PID1: variants seen among roughly 807,000 people sequenced by gnomAD.
PID1 encodes PTB-containing, cubilin and LRP1-interacting protein.
Under a neutral mutation model 19.1 loss-of-function variants are expected in PID1, and 10 were observed. The observed-to-expected ratio is 0.52, with a 90% CI of 0.32 to 0.89. PID1 has a LOEUF of 0.89. PID1 is among the 40% of genes least tolerant of loss of function. The pLI is 0.03. For synonymous variants in PID1, 130 were observed against 116.0 expected, an observed-to-expected ratio of 1.12 and a Z score of -0.78; for missense variants, 248 against 285.3, an observed-to-expected ratio of 0.87 and a Z score of 0.94.
chr2:229,232,301 G>A (rs1574743767), intron 1 of PID1, among the ~76,000 whole-genome samples: 1 of 151,448 alleles, frequency 6.6e-6, no homozygotes, highest in Non-Finnish European at 1.5e-5. Flanking sequence ...GTGTGGTGAC[G>A]GGCACCTGTA....
chr2:229,259,435 G>C (rs1161450567), intron 1 of PID1, among the ~76,000 whole-genome samples: 1 of 152,172 alleles, frequency 6.6e-6, no homozygotes, highest in Non-Finnish European at 1.5e-5. Flanking sequence ...GCCCAACCCA[G>C]AGAAACTCTG....
chr2:229,133,544 T>C (rs527707609), intron 2 of PID1, among the ~76,000 whole-genome samples: 1 of 152,342 alleles, frequency 6.6e-6, no homozygotes, highest in Non-Finnish European at 1.5e-5. Flanking sequence ...GAATTGCAGA[T>C]GTAAGAGTAC....
intron 1 of PID1, among the ~76,000 whole-genome samples, chr2:229,260,476 A>G (rs1026672205): frequency 6.8e-6 from 1 of 146,782 alleles, no homozygotes; most frequent in African/African-American, 2.5e-5. Flanking sequence ...ATATATATAT[A>G]TATGTATATA....
At chr2:229,205,720 C>T (rs962694758) in intron 1 of PID1, among the ~76,000 whole-genome samples, 10 of 152,090 alleles carry the variant, frequency 6.6e-5, no homozygotes, top group Admixed American at 6.6e-4. Context: ...ACAGTAGCTA[C>T]TTAAGAGATG....
chr2:229,061,260 C>A (rs1694206875), intron 2 of PID1, among the ~76,000 whole-genome samples: 2 of 151,998 alleles, frequency 1.3e-5, no homozygotes, highest in Admixed American at 6.6e-5. Flanking sequence ...AGTCTTTAAT[C>A]CAAATTGAAT....
intron 1 of PID1, among the ~76,000 whole-genome samples, chr2:229,164,865 G>A (rs1228709938): frequency 6.6e-6 from 1 of 152,220 alleles, no homozygotes; most frequent in East Asian, 1.9e-4. Flanking sequence ...AACAAGAGAA[G>A]AGAACTTCAC....
chr2:229,204,922 A>T (rs1691576690), intron 1 of PID1, among the ~76,000 whole-genome samples: 1 of 152,098 alleles, frequency 6.6e-6, no homozygotes. Context: ...CTCAGATTAC[A>T]ATGAGAACTA....
intron 1 of PID1, among the ~76,000 whole-genome samples, chr2:229,239,916 T>A (rs1312910345): frequency 6.6e-6 from 1 of 152,128 alleles, no homozygotes; most frequent in Admixed American, 6.6e-5. Flanking sequence ...ATTCAACCTA[T>A]ATTCCTGGCA....
intron 1 of PID1, among the ~76,000 whole-genome samples, chr2:229,255,140 G>A (rs999899464): frequency 6.6e-6 from 1 of 152,198 alleles, no homozygotes; most frequent in African/African-American, 2.4e-5. Flanking sequence ...ATCCAACTCA[G>A]ATGGATGATG....
intron 2 of PID1, among the ~76,000 whole-genome samples, chr2:229,031,282 G>T (rs1693549367): frequency 6.6e-6 from 1 of 150,700 alleles, no homozygotes; most frequent in Non-Finnish European, 1.5e-5. Flanking sequence ...TAGGGGCTGG[G>T]CGTGGTGGCT....
intron 1 of PID1, among the ~76,000 whole-genome samples, chr2:229,261,804 C>T (rs893419961): frequency 2.6e-5 from 4 of 152,040 alleles, no homozygotes; most frequent in Admixed American, 6.5e-5. Flanking sequence ...TCCCTGCCTT[C>T]GTCTCAGAGG....
At chr2:229,053,881 T>C (rs372063056) in intron 2 of PID1, among the ~76,000 whole-genome samples, 8 of 152,290 alleles carry the variant, frequency 5.3e-5, no homozygotes, top group East Asian at 1.9e-4. Flanking sequence ...TGGGATCTCC[T>C]GGGGGCAGGT....
At chr2:229,226,593 G>A (rs2106263012) in intron 1 of PID1, among the ~76,000 whole-genome samples, 1 of 152,234 alleles carries the variant, frequency 6.6e-6, no homozygotes, top group Non-Finnish European at 1.5e-5. Context: ...GCTTGGCCAT[G>A]TTCATTCCAT....
chr2:229,058,528 T>G (rs1574593597), intron 2 of PID1, among the ~76,000 whole-genome samples: 4 of 152,330 alleles, frequency 2.6e-5, no homozygotes, highest in Admixed American at 2.6e-4. Flanking sequence ...CCGCCCCTGC[T>G]GGCATGCATC....
chr2:229,132,748 T>C (rs1689770291), intron 2 of PID1, among the ~76,000 whole-genome samples: 1 of 152,198 alleles, frequency 6.6e-6, no homozygotes, highest in African/African-American at 2.4e-5. Flanking sequence ...ACCCACCCAA[T>C]TCAATATGTA....
intron 1 of PID1, among the ~76,000 whole-genome samples, chr2:229,214,094 G>A (rs1211533307): frequency 1.3e-5 from 2 of 152,168 alleles, no homozygotes; most frequent in African/African-American, 4.8e-5. Context: ...ATATAATCAG[G>A]ACTGTGTTCC....
At chr2:229,127,521 C>T (rs190831577) in intron 2 of PID1, among the ~76,000 whole-genome samples, 4 of 152,282 alleles carry the variant, frequency 2.6e-5, no homozygotes, top group East Asian at 1.9e-4. Flanking sequence ...GAGAAAAGGA[C>T]ATAGGACAGC....
chr2:229,224,131 A>G (rs746041676), intron 1 of PID1, among the ~76,000 whole-genome samples: 2 of 152,308 alleles, frequency 1.3e-5, no homozygotes, highest in South Asian at 4.1e-4. Context: ...TTGTATGGCT[A>G]TGTAGTATTC....
intron 2 of PID1, among the ~76,000 whole-genome samples, chr2:229,052,714 GA>G (rs11287337): frequency 0.17 from 25,576 of 147,872 alleles, 3,453 homozygotes; most frequent in African/African-American, 0.37. Flanking sequence ...AAGCAGAAAG[GA>G]AAAAAAAAAT....
Sources: allele counts gnomAD v4.1 joint callset (sites outside exome capture counted in the v4.1 genomes callset), GRCh38; gene constraint gnomAD v4.1.1; transcripts MANE v1.5; gene names NCBI Gene and HGNC (gene_info 2026-07-23, HGNC 2026-07-21).